Variants in CD53 observed in about 807,000 individuals in gnomAD.
CD53 encodes the protein leukocyte surface antigen CD53.
CD53 carries 20 observed loss-of-function variants against 27.3 expected under a neutral mutation model. That is an observed-to-expected ratio of 0.73 (90% CI 0.52 to 1.07). The LOEUF (loss-of-function observed/expected upper bound fraction) is 1.07. Among genes scored for constraint, CD53 ranks in the 50% least tolerant of loss-of-function variants. CD53 has a pLI of 0.00. For missense variants in CD53, 216 were observed against 264.0 expected, an observed-to-expected ratio of 0.82 and a Z score of 1.26; for synonymous variants, 106 against 105.3, an observed-to-expected ratio of 1.01 and a Z score of -0.04.
At chr1:110,893,675 C>A (rs940373319) in intron 3 of CD53, among the ~76,000 whole-genome samples, 1 of 152,140 alleles carries the variant, frequency 6.6e-6, no homozygotes, top group African/African-American at 2.4e-5. Flanking sequence ...TTAAAAAGTC[C>A]CTCTTCTCAG....
intron 1 of CD53, among the ~76,000 whole-genome samples, chr1:110,875,810 G>A (rs758247637): frequency 2.0e-5 from 3 of 152,222 alleles, no homozygotes; most frequent in African/African-American, 7.2e-5. Flanking sequence ...AGTTTGAGAA[G>A]GCTGTCTGGA....
At chr1:110,891,537 T>C (rs1211516947) in intron 2 of CD53, 66 bp downstream of exon 2, 14 of 1,241,208 alleles carry the variant, frequency 1.1e-5, no homozygotes, top group Non-Finnish European at 1.7e-5. Context: ...CTCATTCCTC[T>C]ACTGAAGAGG....
intron 1 of CD53, among the ~76,000 whole-genome samples, chr1:110,874,642 T>C (rs1656058576): frequency 1.3e-5 from 2 of 152,344 alleles, no homozygotes; most frequent in African/African-American, 2.4e-5. Flanking sequence ...CTGTGATGTT[T>C]CCTGTGTGGG....
intron 1 of CD53, among the ~76,000 whole-genome samples, chr1:110,889,954 A>G (rs1489037302): frequency 1.3e-5 from 2 of 152,252 alleles, no homozygotes; most frequent in African/African-American, 2.4e-5. Context: ...GGAAAAGAGC[A>G]CAAAGTAAAG....
At chr1:110,882,268 A>G (rs1656385907) in intron 1 of CD53, among the ~76,000 whole-genome samples, 1 of 152,158 alleles carries the variant, frequency 6.6e-6, no homozygotes, top group Non-Finnish European at 1.5e-5. Flanking sequence ...ACGATTTCGT[A>G]TGGAGAGAGG....
chr1:110,894,826 C>T, intron 4 of CD53, 134 bp from the exon 5 acceptor site: 1 of 686,102 alleles, frequency 1.5e-6, no homozygotes, highest in South Asian at 1.6e-5. Flanking sequence ...AACACCCTCC[C>T]CTCACCCTTA....
chr1:110,881,565 A>C lies in CD53; in HGVS notation c.-18+8317A>C, dbSNP rs534441151. 3.3e-5 allele frequency among the ~76,000 whole-genome samples: 5 copies of C among 152,290 alleles called. No individual in the cohort carries two copies. The South Asian group carries it at 1.0e-3, about 32-fold the overall frequency. On this transcript the variant is annotated intron_variant, in intron 1 of 7. Transcript: ENST00000271324. ...TACAAATAATACTACAAAACTATGA[A>C]CCTTCCTGTACTAGTCCTAGTATGG...
chr1:110,884,270 C>T (rs1353440118), intron 1 of CD53, among the ~76,000 whole-genome samples: 1 of 152,028 alleles, frequency 6.6e-6, no homozygotes, highest in African/African-American at 2.4e-5. Context: ...CATCTATGAA[C>T]TATTTAGAAA....
intron 6 of CD53, among the ~76,000 whole-genome samples, chr1:110,897,129 G>C (rs1024037580): frequency 6.6e-6 from 1 of 152,196 alleles, no homozygotes; most frequent in Middle Eastern, 3.2e-3. Flanking sequence ...GGAGATGGCA[G>C]AATCCAGCCC....
At chr1:110,894,895 A>T in intron 4 of CD53, 65 bp from the exon 5 acceptor site, 1 of 1,249,572 alleles carries the variant, frequency 8.0e-7, no homozygotes, top group East Asian at 2.3e-5. Flanking sequence ...TATACTGGAA[A>T]TTCCTTATTC....
chr1:110,889,328 G>T (rs571220922), intron 1 of CD53, among the ~76,000 whole-genome samples: 1 of 152,000 alleles, frequency 6.6e-6, no homozygotes, highest in Non-Finnish European at 1.5e-5. Flanking sequence ...AGGCTGAGAC[G>T]GGTAGATCAC....
intron 5 of CD53, among the ~76,000 whole-genome samples, 169 bp from the exon 6 acceptor site, chr1:110,896,484 T>C (rs138110360): frequency 6.6e-6 from 1 of 152,290 alleles, no homozygotes; most frequent in African/African-American, 2.4e-5. Context: ...AATGAAATGG[T>C]ATAACAGATT....
Position 110,896,085 on chromosome 1 carries a change from A to G in CD53, c.424-568A>G, listed in dbSNP as rs997837991. ...TCTCTCTATTTATCTTTTAATCTAT[A>G]ATAGTACACCTCTTTGTTCTTGCTC... On this transcript the variant is annotated intron_variant, in intron 5 of 7. Transcript: ENST00000271324. Among the ~76,000 whole-genome samples the G allele has an allele frequency of 4.6e-5, 7 of 152,330 alleles. No homozygotes were observed. The East Asian group carries it at 1.2e-3, about 25-fold the overall frequency.
chr1:110,892,317 C>T, intron 2 of CD53, 28 bp from the exon 3 acceptor site: 1 of 1,585,788 alleles, frequency 6.3e-7, no homozygotes, highest in Non-Finnish European at 8.7e-7. Context: ...CATTTTGCTT[C>T]AGGATGTTGT....
intron 1 of CD53, among the ~76,000 whole-genome samples, chr1:110,885,500 T>C (rs576354162): frequency 6.6e-6 from 1 of 151,976 alleles, no homozygotes; most frequent in African/African-American, 2.4e-5. Context: ...ATCGCGCCAC[T>C]GCACTCCAGC....
intron 7 of CD53, 96 bp downstream of exon 7, chr1:110,897,988 A>G: frequency 1.6e-6 from 1 of 606,572 alleles, no homozygotes; most frequent in Non-Finnish European, 2.9e-6. Context: ...TACACAATAA[A>G]TGTTAGCTAT....
chr1:110,895,127 T>C, intron 5 of CD53, 72 bp downstream of exon 5: 1 of 1,129,358 alleles, frequency 8.9e-7, no homozygotes, highest in Non-Finnish European at 1.3e-6. Flanking sequence ...GGGGGCTAGT[T>C]CCTTTTTCTG....
Position 110,873,240 on chromosome 1 carries a change from C to G in CD53, c.-26C>G, listed in dbSNP as rs1656015512. On this transcript the variant is annotated 5_prime_UTR_variant, in exon 1 of 8. Coordinates refer to ENST00000271324, the MANE Select transcript of CD53 (RefSeq NM_000560.4). ...TGCCGAAAGGACTGAGGAACGGTGCCTGGAAAAGGTAAGGTTGATGACGTT... is the reference window on the plus strand; with the variant it reads ...TGCCGAAAGGACTGAGGAACGGTGCGTGGAAAAGGTAAGGTTGATGACGTT... 1 of 152,676 alleles carries G rather than the reference C, an allele frequency of 6.5e-6. No individual in the cohort carries two copies. Among genetic ancestry groups the G allele is most frequent in the Admixed American group, 6.5e-5 (1 of 15,272 alleles). 9.5% of individuals were successfully genotyped at this position (152,676 alleles called of 1,614,324 possible).
chr1:110,885,155 T>C (rs1656523400), intron 1 of CD53, among the ~76,000 whole-genome samples: 2 of 152,172 alleles, frequency 1.3e-5, no homozygotes, highest in South Asian at 4.1e-4. Context: ...CATTTCTCCC[T>C]TCCCAGTCTC....
Sources: gnomAD v4.1 joint callset for allele counts (sites outside exome capture counted in the v4.1 genomes callset) on GRCh38, gnomAD v4.1.1 for gene constraint, MANE v1.5 for transcripts, NCBI Gene and HGNC (gene_info 2026-07-23, HGNC 2026-07-21) for gene names.